The following MANBA variants were observed in gnomAD, a reference collection of about 807,000 sequenced individuals.
MANBA encodes the protein beta-mannosidase.
MANBA carries 83 observed loss-of-function variants against 111.1 expected under a neutral mutation model. That is an observed-to-expected ratio of 0.75 (90% CI 0.63 to 0.90). The LOEUF (loss-of-function observed/expected upper bound fraction) is 0.90. MANBA is among the 40% of genes least tolerant of loss of function. The pLI is 0.00. For missense variants in MANBA, 1,036 were observed against 1,069.0 expected (o/e 0.97, Z 0.43); for synonymous variants, 370 against 378.7 (o/e 0.98, Z 0.27).
chr4:102,717,971 G>A (rs758370812), intron 4 of MANBA, among the ~76,000 whole-genome samples: 17 of 152,220 alleles, frequency 1.1e-4, no homozygotes, highest in Non-Finnish European at 2.4e-4. Context: ...GGCAAGTGAA[G>A]TTTCAGGGAT....
At chr4:102,690,164 T>C (rs1732410831) in intron 6 of MANBA, among the ~76,000 whole-genome samples, 2 of 152,158 alleles carry the variant, frequency 1.3e-5, no homozygotes, top group Non-Finnish European at 1.5e-5. Context: ...AATAATCCGT[T>C]CTACCTTGAT....
At chr4:102,704,467 G>C (rs1733206629) in intron 5 of MANBA, among the ~76,000 whole-genome samples, 1 of 152,074 alleles carries the variant, frequency 6.6e-6, no homozygotes, top group African/African-American at 2.4e-5. Flanking sequence ...ACCACGCCCA[G>C]CCTTGCATTA....
At chr4:102,694,029 T>C (rs1042453365) in intron 5 of MANBA, among the ~76,000 whole-genome samples, 1 of 152,170 alleles carries the variant, frequency 6.6e-6, no homozygotes, top group Admixed American at 6.5e-5. Flanking sequence ...TTACTTCTTC[T>C]TTAGTAGGAG....
chr4:102,698,172 T>C (rs1732823790), intron 5 of MANBA, among the ~76,000 whole-genome samples: 1 of 152,222 alleles, frequency 6.6e-6, no homozygotes, highest in South Asian at 2.1e-4. Context: ...AAGTGTCTGT[T>C]CATGTCCTTT....
intron 1 of MANBA, chr4:102,727,952 T>C (rs1228333324): frequency 2.0e-5 from 9 of 449,548 alleles, no homozygotes; most frequent in Admixed American, 9.1e-5. Flanking sequence ...AGAGAACTTT[T>C]CTGGAATGTA....
intron 8 of MANBA, among the ~76,000 whole-genome samples, chr4:102,673,615 G>C (rs186826481): frequency 2.0e-5 from 3 of 151,210 alleles, no homozygotes; most frequent in African/African-American, 7.3e-5. Flanking sequence ...TATTTTTTTC[G>C]GAGACTATTC....
At chr4:102,640,059 T>C (rs1729812705) in intron 13 of MANBA, among the ~76,000 whole-genome samples, 1 of 152,142 alleles carries the variant, frequency 6.6e-6, no homozygotes. Flanking sequence ...CTGTTGTCTG[T>C]AACAGTGGGT....
chr4:102,737,765 A>G (rs1357866226), intron 1 of MANBA, among the ~76,000 whole-genome samples: 1 of 152,142 alleles, frequency 6.6e-6, no homozygotes, highest in Admixed American at 6.5e-5. Context: ...GACAGGCATG[A>G]GCGACTGCGC....
chr4:102,657,523 T>A (rs1254539292), intron 12 of MANBA, among the ~76,000 whole-genome samples, 159 bp downstream of exon 12: 2 of 152,098 alleles, frequency 1.3e-5, no homozygotes, highest in Admixed American at 6.6e-5. Context: ...AGAAAAGTAA[T>A]CCCCAAAGGT....
chr4:102,683,622 AT>A (rs1405529222), intron 7 of MANBA, among the ~76,000 whole-genome samples: 5 of 152,154 alleles, frequency 3.3e-5, no homozygotes, highest in African/African-American at 1.2e-4. Context: ...GCAAAAACTG[AT>A]TGGTCAGATT....
At position 102,631,843 on chromosome 4, in the gene MANBA, C is replaced by G. The variant is rs572959039; in HGVS notation, c.*214G>C. 7.8e-5 allele frequency: 49 copies of G among 630,144 alleles called. No individual in the cohort carries two copies. In the South Asian group the frequency reaches 8.9e-4, roughly 12 times the overall value. The allele number at this position is 630,144 out of a possible 1,614,324, so 39.0% of individuals were successfully genotyped here. ...AGTCCTGGCACAGATTCCAGGACAC[C>G]CCGGCACAGGCTTGTTTGAGGACAT... On this transcript the variant is annotated 3_prime_UTR_variant, in exon 17 of 17. Coordinates refer to ENST00000647097, the MANE Select transcript of MANBA (RefSeq NM_005908.4).
rs953574406 is a variant in MANBA at position 102,730,592 on chromosome 4, T to C, written c.178-3909A>G. On this transcript the variant is annotated intron_variant, in intron 1 of 16. Coordinates refer to ENST00000647097, the MANE Select transcript of MANBA (RefSeq NM_005908.4). Reference sequence around the variant, plus strand: ...GCGTCATTGATGTCTAGCTGCTCACTCCCAAAGCCTGACAAGTTGATGCCA... The same window carrying C: ...GCGTCATTGATGTCTAGCTGCTCACCCCCAAAGCCTGACAAGTTGATGCCA... 4.1e-5 allele frequency: 22 copies of C among 540,920 alleles called. No homozygotes were observed. The Admixed American group carries it at 4.2e-4, about 10-fold the overall frequency. 33.5% of individuals were successfully genotyped at this position (540,920 alleles called of 1,614,324 possible).
intron 7 of MANBA, among the ~76,000 whole-genome samples, chr4:102,683,236 T>A (rs1732063129): frequency 6.6e-6 from 1 of 151,858 alleles, no homozygotes; most frequent in Non-Finnish European, 1.5e-5. Flanking sequence ...GTAGTAGCCA[T>A]GGACAATCAT....
At chr4:102,638,297 G>A (rs1252380932) in intron 14 of MANBA, among the ~76,000 whole-genome samples, 2 of 152,116 alleles carry the variant, frequency 1.3e-5, no homozygotes, top group African/African-American at 2.4e-5. Context: ...ATGGTGGTAT[G>A]CAGCTATAGA....
chr4:102,736,288 T>G (rs1370906946), intron 1 of MANBA, among the ~76,000 whole-genome samples: 1 of 152,152 alleles, frequency 6.6e-6, no homozygotes, highest in Non-Finnish European at 1.5e-5. Context: ...AAACATGCCG[T>G]GTGTGCCTCG....
intron 7 of MANBA, among the ~76,000 whole-genome samples, chr4:102,683,803 A>G (rs1010003335): frequency 6.6e-6 from 1 of 152,194 alleles, no homozygotes; most frequent in African/African-American, 2.4e-5. Flanking sequence ...ATGATATCCC[A>G]ACATTTATTT....
intron 1 of MANBA, chr4:102,734,652 G>A: frequency 7.0e-7 from 1 of 1,438,482 alleles, no homozygotes; most frequent in South Asian, 1.2e-5. Context: ...GCAGGGAGAG[G>A]GCCTTGGGGA....
intron 5 of MANBA, among the ~76,000 whole-genome samples, chr4:102,696,389 T>A (rs1252178832): frequency 6.6e-6 from 1 of 152,220 alleles, no homozygotes; most frequent in East Asian, 1.9e-4. Flanking sequence ...TGTGAGCATT[T>A]GTGTCAAGCA....
chr4:102,660,604 T>C (rs894769937), intron 11 of MANBA, among the ~76,000 whole-genome samples: 11 of 151,688 alleles, frequency 7.3e-5, no homozygotes, highest in African/African-American at 2.4e-4. Flanking sequence ...TACAGGCACA[T>C]GTCACTATGC....
Sources: gnomAD v4.1 joint callset for allele counts (sites outside exome capture counted in the v4.1 genomes callset) on GRCh38, gnomAD v4.1.1 for gene constraint, MANE v1.5 for transcripts, NCBI Gene and HGNC (gene_info 2026-07-23, HGNC 2026-07-21) for gene names.